The following VPS13B variants were observed in gnomAD, a reference collection of about 807,000 sequenced individuals.
VPS13B encodes vacuolar protein sorting 13 homolog B, also known as intermembrane lipid transfer protein VPS13B.
Under a neutral mutation model 426.4 loss-of-function variants are expected in VPS13B, and 285 were observed. That is an observed-to-expected ratio of 0.67 (90% CI 0.61 to 0.74). The LOEUF (loss-of-function observed/expected upper bound fraction) is 0.74, where lower values mean the gene tolerates loss of function less well. Ranked by LOEUF, VPS13B falls within the 30% of genes least tolerant of loss-of-function variation. The pLI is 0.00. For synonymous variants in VPS13B, 1,676 were observed against 1,676.4 expected (o/e 1.00, Z 0.01); for missense variants, 4,537 against 4,782.6 (o/e 0.95, Z 1.51).
At chr8:99,744,296 G>A (rs182695962) in intron 39 of VPS13B, among the ~76,000 whole-genome samples, 1 of 152,146 alleles carries the variant, frequency 6.6e-6, no homozygotes, top group Non-Finnish European at 1.5e-5. Flanking sequence ...CTAGAATGGT[G>A]ATCATTAAAA....
In VPS13B at chr8:99,664,597, T is replaced by C. The variant is rs185318155; in HGVS notation, c.6046+3106T>C. On this transcript the variant is annotated intron_variant, in intron 35 of 61. Transcript: ENST00000357162. The stretch of plus-strand genomic sequence containing the variant: ...GGTTTTTCTCCTTGTGATAGTTTGC[T>C]GAGAATGATGTTTTCCAGTTTCATC... Among the ~76,000 whole-genome samples, 339 of 152,248 alleles carry C rather than the reference T, an allele frequency of 2.2e-3. 2 individuals are homozygous for C. Among genetic ancestry groups the C allele is most frequent in the Middle Eastern group, 3.4e-3 (1 of 294 alleles).
rs1234390295 is a variant in VPS13B at position 99,029,809 on chromosome 8, CGGAGAGGGAGAGGGAGAG to C, written c.148-8599_148-8582del. The stretch of plus-strand genomic sequence containing the variant: ...AGGGAGAGGGAGAGGGAGAGGGAGA[CGGAGAGGGAGAGGGAGAG>C]GGAGAGGGAGAGGGCTGTTAGTTTT... On this transcript the variant is annotated intron_variant, in intron 2 of 61. Coordinates refer to ENST00000357162, the MANE Select transcript of VPS13B (RefSeq NM_152564.5). Among the ~76,000 whole-genome samples the C allele has an allele frequency of 4.5e-5, 4 of 88,390 alleles. No individual in the cohort carries two copies. The South Asian group carries it at 9.6e-4, about 21-fold the overall frequency. The allele number at this position is 88,390 out of a possible 152,430, so 58.0% of individuals were successfully genotyped here.
At chr8:99,047,588 C>T (rs994201850) in intron 3 of VPS13B, among the ~76,000 whole-genome samples, 11 of 152,032 alleles carry the variant, frequency 7.2e-5, no homozygotes, top group East Asian at 1.9e-4. Context: ...GGTTTGTTCT[C>T]GTTCTCTAGC....
chr8:99,491,910 C>T (rs891109885), intron 25 of VPS13B, among the ~76,000 whole-genome samples: 6 of 152,104 alleles, frequency 3.9e-5, no homozygotes, highest in African/African-American at 7.2e-5. Flanking sequence ...CCATTGCTGG[C>T]GAGGACCTGC....
chr8:99,406,120 A>G (rs1222368215), intron 21 of VPS13B, among the ~76,000 whole-genome samples: 1 of 152,106 alleles, frequency 6.6e-6, no homozygotes, highest in East Asian at 1.9e-4. Context: ...TAGATGATCA[A>G]TAAAAAAACT....
chr8:99,491,476 T>A (rs1336540779), intron 25 of VPS13B, among the ~76,000 whole-genome samples: 1 of 152,242 alleles, frequency 6.6e-6, no homozygotes, highest in Non-Finnish European at 1.5e-5. Flanking sequence ...GATTCCATTT[T>A]CCCCATACCT....
intron 19 of VPS13B, among the ~76,000 whole-genome samples, chr8:99,337,127 C>T (rs1477702501): frequency 7.9e-5 from 12 of 151,658 alleles, no homozygotes; most frequent in East Asian, 1.9e-4. Context: ...TGTCCAACAA[C>T]GATAGACTGG....
intron 2 of VPS13B, among the ~76,000 whole-genome samples, chr8:99,018,406 C>T (rs1226551082): frequency 1.3e-5 from 2 of 151,998 alleles, no homozygotes; most frequent in Non-Finnish European, 2.9e-5. Context: ...CACAAAAAAA[C>T]CTCTATTTTT....
In VPS13B at chr8:99,784,418, T is replaced by C. The variant is rs746747907; in HGVS notation, c.7883T>C (p.Ile2628Thr). ...RFGQVDTDEN[I>T]LLASLHSHQY... ...GGCCAGGTGGATACTGATGAAAATATTCTGCTGGCGAGTCTCCACAGTCAC... is the reference window on the plus strand; with the variant it reads ...GGCCAGGTGGATACTGATGAAAATACTCTGCTGGCGAGTCTCCACAGTCAC... Residue 2628 changes from isoleucine (I) to threonine (T), a missense_variant, in exon 43 of 62, where the codon ATT (isoleucine) becomes ACT (threonine). Physicochemically the swap from Ile to Thr is moderately conservative, Grantham distance 89. This residue lies in a region of VPS13B where 4,311 missense variants were observed against 4,474.3 expected (regional missense o/e 0.96). Coordinates refer to ENST00000357162, the MANE Select transcript of VPS13B (RefSeq NM_152564.5). The C allele has an allele frequency of 6.2e-7, 1 of 1,613,744 alleles. No homozygotes were observed. The highest frequency in any genetic ancestry group is 1.1e-5 in the South Asian group (1 of 91,078).
intron 20 of VPS13B, among the ~76,000 whole-genome samples, chr8:99,390,039 A>G (rs1250288092): frequency 2.0e-5 from 3 of 152,210 alleles, no homozygotes; most frequent in Non-Finnish European, 4.4e-5. Flanking sequence ...TACCAAATAT[A>G]AAAGCAGGCA....
intron 25 of VPS13B, among the ~76,000 whole-genome samples, chr8:99,485,431 G>A (rs985795503): frequency 6.6e-6 from 1 of 152,146 alleles, no homozygotes; most frequent in Non-Finnish European, 1.5e-5. Context: ...TAACGAGTGC[G>A]CTGAAACACC....
chr8:99,491,626 G>T (rs1240208478), intron 25 of VPS13B, among the ~76,000 whole-genome samples: 1 of 151,868 alleles, frequency 6.6e-6, no homozygotes, highest in Non-Finnish European at 1.5e-5. Flanking sequence ...TTCAATCACT[G>T]ATATCCTTTC....
At position 99,275,233 on chromosome 8, in the gene VPS13B, A is replaced by G. The variant is rs769182456; in HGVS notation, c.2803A>G (p.Ile935Val). Residue 935 changes from isoleucine to valine, a missense_variant, in exon 19 of 62, where the codon ATT becomes GTT. Ile to Val is a conservative substitution (Grantham distance 29). Coordinates refer to ENST00000357162, the MANE Select transcript of VPS13B (RefSeq NM_152564.5). ...MAFTIQVPQY[I>V]DYCHNSGAVL... ...CTTCACAATCCAAGTTCCACAATATATTGACTACTGCCACAATTCCGGTAA... is the reference window on the plus strand; with the variant it reads ...CTTCACAATCCAAGTTCCACAATATGTTGACTACTGCCACAATTCCGGTAA... 19 of 1,605,104 alleles carry G rather than the reference A, an allele frequency of 1.2e-5. No individual in the cohort carries two copies. Among genetic ancestry groups the G allele is most frequent in the Non-Finnish European group, 1.6e-5 (19 of 1,176,582 alleles).
chr8:99,365,059 T>G (rs1470683472), intron 19 of VPS13B, among the ~76,000 whole-genome samples: 3 of 152,126 alleles, frequency 2.0e-5, no homozygotes, highest in African/African-American at 7.2e-5. Flanking sequence ...TCTAATTTAT[T>G]GTTATATAGT....
At chr8:99,016,235 T>A (rs1214968183) in intron 2 of VPS13B, among the ~76,000 whole-genome samples, 1 of 152,236 alleles carries the variant, frequency 6.6e-6, no homozygotes, top group African/African-American at 2.4e-5. Context: ...TTAATTTCTC[T>A]TAGGTGTATA....
chr8:99,370,422 T>A (rs764151125), intron 19 of VPS13B, among the ~76,000 whole-genome samples: 23 of 151,912 alleles, frequency 1.5e-4, no homozygotes, highest in Non-Finnish European at 8.8e-5. Flanking sequence ...ACAGGGAGAG[T>A]GCCACTGGAT....
chr8:99,796,409 T>G (rs1488443491), intron 43 of VPS13B, among the ~76,000 whole-genome samples: 1 of 152,088 alleles, frequency 6.6e-6, no homozygotes, highest in Non-Finnish European at 1.5e-5. Flanking sequence ...AAGGAACAAT[T>G]TTAAATGGAA....
At chr8:99,079,712 A>G (rs1015106186) in intron 3 of VPS13B, among the ~76,000 whole-genome samples, 3 of 152,126 alleles carry the variant, frequency 2.0e-5, no homozygotes, top group Non-Finnish European at 2.9e-5. Context: ...CTATAGTGAA[A>G]TCAATACTTG....
At chr8:99,321,463 C>T (rs1809981942) in intron 19 of VPS13B, among the ~76,000 whole-genome samples, 2 of 152,082 alleles carry the variant, frequency 1.3e-5, no homozygotes, top group Admixed American at 1.3e-4. Context: ...CTGCCTCAGC[C>T]TCCCAAAGTG....
Sources: allele counts gnomAD v4.1 joint callset (sites outside exome capture counted in the v4.1 genomes callset), GRCh38; gene constraint gnomAD v4.1.1; regional missense constraint gnomAD v4.1.1; transcripts MANE v1.5; gene names NCBI Gene and HGNC (gene_info 2026-07-23, HGNC 2026-07-21).